CDH13: variants seen among roughly 807,000 people sequenced by gnomAD.
CDH13 encodes cadherin 13, also known as cadherin-13.
In CDH13, 24 loss-of-function variants were observed where a neutral mutation model predicts 63.8. That is an observed-to-expected ratio of 0.38 (90% CI 0.27 to 0.53). CDH13 has a LOEUF of 0.53. CDH13 is among the 20% of genes least tolerant of loss of function. The pLI is 0.85. For missense variants in CDH13, 1,049 were observed against 903.1 expected (o/e 1.16, Z -2.07); for synonymous variants, 503 against 355.3 (o/e 1.42, Z -4.67).
intron 3 of CDH13, among the ~76,000 whole-genome samples, chr16:83,071,526 T>A (rs1367219945): frequency 6.6e-6 from 1 of 152,194 alleles, no homozygotes; most frequent in Admixed American, 6.5e-5. Context: ...CTGCCCTCAC[T>A]GACCCATTAA....
At chr16:83,039,077 G>A (rs760386294) in intron 3 of CDH13, among the ~76,000 whole-genome samples, 1 of 152,176 alleles carries the variant, frequency 6.6e-6, no homozygotes, top group Non-Finnish European at 1.5e-5. Flanking sequence ...CAGGCAGCTG[G>A]TCCTTATGAA....
intron 1 of CDH13, among the ~76,000 whole-genome samples, chr16:82,778,964 C>A (rs775162654): frequency 9.9e-5 from 15 of 152,012 alleles, no homozygotes; most frequent in Admixed American, 6.6e-4. Context: ...AGCCCTGGAG[C>A]CTGCTGTGTA....
chr16:83,587,155 C>T (rs891552208), intron 7 of CDH13, among the ~76,000 whole-genome samples: 8 of 152,224 alleles, frequency 5.3e-5, no homozygotes, highest in Admixed American at 2.0e-4. Context: ...TTAAAAGTAA[C>T]CCTGCATGGC....
intron 5 of CDH13, among the ~76,000 whole-genome samples, chr16:83,322,132 C>T (rs1283241049): frequency 6.6e-6 from 1 of 152,122 alleles, no homozygotes; most frequent in Non-Finnish European, 1.5e-5. Flanking sequence ...GCCCTGGGAT[C>T]GTTGAGGGGG....
intron 3 of CDH13, among the ~76,000 whole-genome samples, chr16:83,052,121 C>A (rs2030407606): frequency 1.3e-5 from 2 of 152,082 alleles, no homozygotes; most frequent in African/African-American, 2.4e-5. Context: ...CATGAATGAT[C>A]CGTATGCCAT....
chr16:83,728,065 G>A (rs1468764698), intron 10 of CDH13, among the ~76,000 whole-genome samples: 1 of 152,202 alleles, frequency 6.6e-6, no homozygotes, highest in Non-Finnish European at 1.5e-5. Context: ...CCTCTGAGGA[G>A]TCTGTTATGC....
chr16:83,349,392 G>A (rs2090904617), intron 6 of CDH13, among the ~76,000 whole-genome samples: 2 of 152,096 alleles, frequency 1.3e-5, no homozygotes, highest in Admixed American at 6.5e-5. Flanking sequence ...CAATTCATGG[G>A]TGTTTTGCCC....
chr16:83,247,711 C>T (rs1398631957), intron 5 of CDH13, among the ~76,000 whole-genome samples: 2 of 152,186 alleles, frequency 1.3e-5, no homozygotes, highest in African/African-American at 4.8e-5. Flanking sequence ...CAGGAATTGG[C>T]TTTCACCATC....
chr16:83,026,212 G>GC (rs1281129165), intron 2 of CDH13, among the ~76,000 whole-genome samples: 3 of 152,222 alleles, frequency 2.0e-5, no homozygotes, highest in Non-Finnish European at 2.9e-5. Context: ...TTTGTGAGAT[G>GC]CCCAAGGGGG....
At chr16:83,053,563 A>G (rs73596260) in intron 3 of CDH13, among the ~76,000 whole-genome samples, 5,519 of 152,252 alleles carry the variant, frequency 0.036, 324 homozygotes, top group African/African-American at 0.13. Flanking sequence ...AGCAATAGAT[A>G]TATGTTTCTT....
At chr16:83,522,359 G>T (rs1019988582) in intron 7 of CDH13, among the ~76,000 whole-genome samples, 1 of 152,144 alleles carries the variant, frequency 6.6e-6, no homozygotes, top group Non-Finnish European at 1.5e-5. Context: ...TTGTGTTATG[G>T]ACTGTCAAAA....
intron 2 of CDH13, among the ~76,000 whole-genome samples, chr16:82,973,358 T>G (rs904010457): frequency 6.6e-6 from 1 of 152,190 alleles, no homozygotes; most frequent in African/African-American, 2.4e-5. Context: ...AAACATAGCT[T>G]TAAAGCCTGT....
intron 8 of CDH13, among the ~76,000 whole-genome samples, chr16:83,615,007 A>C (rs1180156506): frequency 6.6e-6 from 1 of 152,182 alleles, no homozygotes. Context: ...TTGATTTGAC[A>C]TGAATATCTA....
rs780740509 is a variant in CDH13 at position 83,344,884 on chromosome 16, T to C, written c.659T>C (p.Val220Ala). The C allele has an allele frequency of 6.2e-7, 1 of 1,613,966 alleles. No individual in the cohort carries two copies. ...VYQLFVETTD[V>A]NGKTLEGPVP... ...TAGCTATTTGTGGAGACCACTGATG[T>C]CAATGGCAAAACTCTCGAGGGGCCG... The change falls in exon 6 of 14, where the codon GTC (valine) becomes GCC (alanine). Residue 220 changes from valine to alanine, a missense_variant. Physicochemically the swap from Val to Ala is moderately conservative, Grantham distance 64 (BLOSUM62 0). Coordinates refer to ENST00000567109, the MANE Select transcript of CDH13 (RefSeq NM_001257.5).
intron 5 of CDH13, among the ~76,000 whole-genome samples, chr16:83,313,918 A>G (rs2090052452): frequency 6.6e-6 from 1 of 152,192 alleles, no homozygotes; most frequent in East Asian, 1.9e-4. Flanking sequence ...AACCTACTTA[A>G]AACTGTGGTG....
intron 5 of CDH13, among the ~76,000 whole-genome samples, chr16:83,257,114 C>T (rs1447532809): frequency 6.6e-6 from 1 of 152,024 alleles, no homozygotes; most frequent in Non-Finnish European, 1.5e-5. Flanking sequence ...AAAGGGATTT[C>T]CTTCCTGAGT....
intron 6 of CDH13, among the ~76,000 whole-genome samples, chr16:83,445,915 T>G (rs570360867): frequency 6.6e-6 from 1 of 152,276 alleles, no homozygotes; most frequent in Admixed American, 6.5e-5. Context: ...TCAGAGATCT[T>G]TGTGCCTCTT....
chr16:83,350,719 C>A (rs150985350), intron 6 of CDH13, among the ~76,000 whole-genome samples: 1 of 152,062 alleles, frequency 6.6e-6, no homozygotes, highest in South Asian at 2.1e-4. Flanking sequence ...AAGAAAATTG[C>A]GGCAAGTGCT....
chr16:83,333,827 C>T (rs1167280653), intron 5 of CDH13, among the ~76,000 whole-genome samples: 1 of 152,086 alleles, frequency 6.6e-6, no homozygotes, highest in Non-Finnish European at 1.5e-5. Flanking sequence ...TTAATGGTAC[C>T]TACTTTTATT....
Sources: allele counts gnomAD v4.1 joint callset (sites outside exome capture counted in the v4.1 genomes callset), GRCh38; gene constraint gnomAD v4.1.1; transcripts MANE v1.5; gene names NCBI Gene and HGNC (gene_info 2026-07-23, HGNC 2026-07-21).